The following NLK variants were observed in gnomAD, a reference collection of about 807,000 sequenced individuals.
NLK encodes serine/threonine-protein kinase NLK.
In NLK, 11 loss-of-function variants were observed where a neutral mutation model predicts 59.0. That is an observed-to-expected ratio of 0.19 (90% CI 0.12 to 0.31). The LOEUF is 0.31. Among genes scored for constraint, NLK ranks in the 10% least tolerant of loss-of-function variants. The probability of loss-of-function intolerance (pLI) is 1.00; values close to 1 mark genes in which losing one functional copy is unlikely to be tolerated. For missense variants in NLK, 410 were observed against 661.1 expected (o/e 0.62, Z 4.16); for synonymous variants, 235 against 235.9 (o/e 1.00, Z 0.03).
At chr17:28,178,315 G>A (rs545927970) in intron 7 of NLK, among the ~76,000 whole-genome samples, 2 of 152,264 alleles carry the variant, frequency 1.3e-5, no homozygotes, top group East Asian at 3.9e-4. Context: ...TAGGAGTTGG[G>A]AGATTGCAAT....
At chr17:28,093,755 T>G (rs1189027165) in intron 1 of NLK, among the ~76,000 whole-genome samples, 1 of 152,240 alleles carries the variant, frequency 6.6e-6, no homozygotes, top group Non-Finnish European at 1.5e-5. Context: ...TTTCCCTGTT[T>G]GAAAAATGAA....
chr17:28,098,521 A>G (rs1904782389), intron 1 of NLK, among the ~76,000 whole-genome samples: 1 of 152,132 alleles, frequency 6.6e-6, no homozygotes, highest in Non-Finnish European at 1.5e-5. Flanking sequence ...GACATTGAGT[A>G]CGTCTTTATT....
intron 3 of NLK, among the ~76,000 whole-genome samples, chr17:28,149,775 A>G (rs1567728495): frequency 6.6e-6 from 1 of 152,204 alleles, no homozygotes; most frequent in Non-Finnish European, 1.5e-5. Context: ...TGAGTTTCTC[A>G]GTGAAAGCAG....
intron 2 of NLK, among the ~76,000 whole-genome samples, chr17:28,125,310 AG>A (rs1906248986): frequency 6.6e-6 from 1 of 152,206 alleles, no homozygotes; most frequent in African/African-American, 2.4e-5. Flanking sequence ...AGTTTCTAAG[AG>A]CTGTGCTTTA....
chr17:28,128,664 T>C (rs563929197), intron 2 of NLK, among the ~76,000 whole-genome samples: 19 of 152,340 alleles, frequency 1.2e-4, no homozygotes, highest in Admixed American at 5.9e-4. Flanking sequence ...TACCAACTGC[T>C]GGCAAGGACA....
chr17:28,182,661 A>G (rs1033883044), intron 7 of NLK, among the ~76,000 whole-genome samples: 6 of 152,166 alleles, frequency 3.9e-5, no homozygotes, highest in South Asian at 2.1e-4. Flanking sequence ...GAGATGGTCA[A>G]ATTCTCCCAA....
At chr17:28,190,970 A>C (rs1909286712) in intron 8 of NLK, 51 bp from the exon 9 acceptor site, 1 of 1,289,846 alleles carries the variant, frequency 7.8e-7, no homozygotes, top group South Asian at 1.4e-5. Context: ...TCCTATGTGG[A>C]CAGTCATTTT....
chr17:28,163,461 G>A, intron 4 of NLK, 82 bp from the exon 5 acceptor site: 1 of 814,072 alleles, frequency 1.2e-6, no homozygotes, highest in East Asian at 2.7e-5. Context: ...ATCCTCTACT[G>A]TTTTCTTCCA....
intron 3 of NLK, among the ~76,000 whole-genome samples, chr17:28,134,982 A>G (rs970899611): frequency 3.3e-5 from 5 of 152,200 alleles, no homozygotes; most frequent in Middle Eastern, 3.2e-3. Context: ...CATTGAAGAA[A>G]AGGAGAGAGC....
At chr17:28,156,657 T>C (rs1245420943) in intron 3 of NLK, among the ~76,000 whole-genome samples, 1 of 152,236 alleles carries the variant, frequency 6.6e-6, no homozygotes, top group Non-Finnish European at 1.5e-5. Flanking sequence ...TGCTTCTTCA[T>C]AATGTCTTGT....
intron 1 of NLK, among the ~76,000 whole-genome samples, chr17:28,076,858 T>A (rs1363214317): frequency 6.6e-6 from 1 of 152,162 alleles, no homozygotes; most frequent in Non-Finnish European, 1.5e-5. Context: ...TGGACTTTTG[T>A]ATTACCATAT....
At chr17:28,126,541 T>G (rs957090818) in intron 2 of NLK, among the ~76,000 whole-genome samples, 3 of 152,200 alleles carry the variant, frequency 2.0e-5, no homozygotes, top group Admixed American at 1.3e-4. Context: ...TTGGTCATTG[T>G]AGGAAGGTTG....
chr17:28,151,770 T>C (rs1907490472), intron 3 of NLK, among the ~76,000 whole-genome samples: 1 of 152,192 alleles, frequency 6.6e-6, no homozygotes, highest in Non-Finnish European at 1.5e-5. Flanking sequence ...TAAACTCTCC[T>C]TTCTTAAACA....
At chr17:28,131,336 G>A (rs959800993) in intron 2 of NLK, among the ~76,000 whole-genome samples, 2 of 151,596 alleles carry the variant, frequency 1.3e-5, no homozygotes, top group Admixed American at 1.3e-4. Context: ...TTGAGAACTG[G>A]ATATTTGATG....
intron 1 of NLK, among the ~76,000 whole-genome samples, chr17:28,102,900 G>T (rs1338088018): frequency 6.6e-6 from 1 of 152,122 alleles, no homozygotes; most frequent in Non-Finnish European, 1.5e-5. Context: ...GTAGTACCTA[G>T]TGATGGCTAG....
chr17:28,076,500 A>G, intron 1 of NLK, among the ~76,000 whole-genome samples: 1 of 152,192 alleles, frequency 6.6e-6, no homozygotes. Context: ...CATATTGGTG[A>G]TTAGGATTTC....
At chr17:28,188,003 T>C (rs949475015) in intron 8 of NLK, among the ~76,000 whole-genome samples, 1 of 152,160 alleles carries the variant, frequency 6.6e-6, no homozygotes, top group Non-Finnish European at 1.5e-5. Flanking sequence ...GCCCAGGAGC[T>C]TAAGACCAGC....
intron 7 of NLK, among the ~76,000 whole-genome samples, chr17:28,182,145 G>A (rs541493693): frequency 6.6e-6 from 1 of 152,296 alleles, no homozygotes; most frequent in Admixed American, 6.5e-5. Flanking sequence ...TTAGTGACAA[G>A]ACAGAGCTAG....
intron 1 of NLK, among the ~76,000 whole-genome samples, chr17:28,092,947 C>T (rs1419590987): frequency 6.6e-6 from 1 of 151,806 alleles, no homozygotes; most frequent in Non-Finnish European, 1.5e-5. Context: ...AGGCATGTGC[C>T]ACCAAGCCCA....
Sources: gnomAD v4.1 joint callset for allele counts (sites outside exome capture counted in the v4.1 genomes callset) on GRCh38, gnomAD v4.1.1 for gene constraint, MANE v1.5 for transcripts, NCBI Gene and HGNC (gene_info 2026-07-23, HGNC 2026-07-21) for gene names.